MIER1: variants seen among roughly 807,000 people sequenced by gnomAD.
MIER1 encodes mesoderm induction early response protein 1.
A neutral mutation model predicts 75.7 loss-of-function variants in MIER1; 40 were observed. The ratio of observed to expected loss-of-function variants is 0.53; its 90% CI spans 0.41 to 0.69. The LOEUF is 0.69. Ranked by LOEUF, MIER1 falls within the 30% of genes least tolerant of loss-of-function variation. MIER1 has a pLI of 0.00. For missense variants in MIER1, 574 were observed against 680.2 expected, an observed-to-expected ratio of 0.84 and a Z score of 1.74; for synonymous variants, 213 against 223.4, an observed-to-expected ratio of 0.95 and a Z score of 0.42.
At chr1:66,949,549 C>G (rs1429394598) in intron 4 of MIER1, among the ~76,000 whole-genome samples, 1 of 152,194 alleles carries the variant, frequency 6.6e-6, no homozygotes, top group Non-Finnish European at 1.5e-5. Flanking sequence ...TCAGATTCTT[C>G]TCTGACTTCT....
chr1:66,937,968 G>A (rs1655308035), intron 2 of MIER1, among the ~76,000 whole-genome samples: 1 of 152,116 alleles, frequency 6.6e-6, no homozygotes, highest in South Asian at 2.1e-4. Flanking sequence ...TTCTCCACTT[G>A]TGCTAATCTA....
chr1:66,953,407 G>T (rs960004596), intron 4 of MIER1, among the ~76,000 whole-genome samples: 3 of 152,070 alleles, frequency 2.0e-5, no homozygotes, highest in Admixed American at 2.0e-4. Flanking sequence ...TTGTAGCCCG[G>T]AGTTTGCTGC....
intron 1 of MIER1, 31 bp downstream of exon 1, chr1:66,925,126 C>A: frequency 6.5e-7 from 1 of 1,540,892 alleles, no homozygotes; most frequent in Non-Finnish European, 8.7e-7. Context: ...CCATCTCTCC[C>A]CTTCTATTCC....
intron 8 of MIER1, among the ~76,000 whole-genome samples, chr1:66,966,305 G>A (rs983832760): frequency 2.0e-5 from 3 of 152,032 alleles, no homozygotes; most frequent in Non-Finnish European, 2.9e-5. Flanking sequence ...TTGTCCTTGC[G>A]ATAGTTTGCT....
At chr1:66,954,939 C>T (rs1659783608) in intron 4 of MIER1, among the ~76,000 whole-genome samples, 1 of 152,072 alleles carries the variant, frequency 6.6e-6, no homozygotes, top group Admixed American at 6.6e-5. Context: ...GAACTCCTGA[C>T]CTCAAGTGTT....
Position 66,976,823 on chromosome 1 carries a change from A to G in MIER1, c.1229+101A>G, listed in dbSNP as rs148285125. The G allele has an allele frequency of 1.7e-3, 1,731 of 1,037,524 alleles. 6 individuals are homozygous for G. The highest frequency in any genetic ancestry group is 1.4e-3 in the Non-Finnish European group (1,075 of 753,342). 64.3% of individuals were successfully genotyped at this position (1,037,524 alleles called of 1,614,324 possible). On this transcript the variant is annotated intron_variant, in intron 12 of 13. Transcript: ENST00000401041. ...TATTTTGATAATCTTGCTTTTATAT[A>G]CTTGATCTTAACCAGAAGGCCGAGA... is the stretch of plus-strand genomic sequence containing the variant.
intron 3 of MIER1, among the ~76,000 whole-genome samples, chr1:66,944,458 C>T (rs1230902467): frequency 6.6e-6 from 1 of 150,572 alleles, no homozygotes; most frequent in Non-Finnish European, 1.5e-5. Flanking sequence ...CAATGTAGTA[C>T]AATATTTTAC....
At chr1:66,962,334 T>G (rs569646916) in intron 7 of MIER1, among the ~76,000 whole-genome samples, 1 of 152,290 alleles carries the variant, frequency 6.6e-6, no homozygotes, top group Admixed American at 6.5e-5. Flanking sequence ...TCATTTAGAG[T>G]TTCTTTCATT....
At chr1:66,980,691 T>C (rs772273437) in intron 12 of MIER1, among the ~76,000 whole-genome samples, 3 of 152,122 alleles carry the variant, frequency 2.0e-5, no homozygotes, top group Non-Finnish European at 4.4e-5. Context: ...AATTAGAATT[T>C]TATTGAGTTT....
At chr1:66,950,091 GTAAA>G (rs1176441028) in intron 4 of MIER1, among the ~76,000 whole-genome samples, 2 of 152,176 alleles carry the variant, frequency 1.3e-5, no homozygotes, top group African/African-American at 4.8e-5. Flanking sequence ...CATTCTCATA[GTAAA>G]TAAATAGACT....
intron 2 of MIER1, chr1:66,930,435 C>T (rs753832848): frequency 4.6e-5 from 73 of 1,601,108 alleles, no homozygotes; most frequent in Non-Finnish European, 2.5e-5. Flanking sequence ...TGTCCCGGAG[C>T]CGGGCGCCCC....
In MIER1 at chr1:66,986,160, CTT is replaced by C. The variant is rs1443931751; in HGVS notation, c.*1263_*1264del. On this transcript the variant is annotated 3_prime_UTR_variant, in exon 14 of 14. Transcript: ENST00000401041. ...AAGTGAAGTTTGAAAACTTTTCAAA[CTT>C]TTCTAGTTACAATCCAATTTTTCAG... 8.4e-7 allele frequency: 1 copy of C among 1,191,892 alleles called. No individual in the cohort carries two copies. The allele number at this position is 1,191,892 out of a possible 1,614,324, so 73.8% of individuals were successfully genotyped here. A position where few individuals can be genotyped will look rare whatever the true frequency, so the allele number is the denominator to read the frequency against.
At chr1:66,946,622 A>C in intron 4 of MIER1, 1 of 1,008,224 alleles carries the variant, frequency 9.9e-7, no homozygotes, top group Non-Finnish European at 1.2e-6. Context: ...CCCAGTTACC[A>C]TATCTTTTAC....
chr1:66,950,671 A>G (rs1176969149), intron 4 of MIER1, among the ~76,000 whole-genome samples: 1 of 151,272 alleles, frequency 6.6e-6, no homozygotes, highest in African/African-American at 2.4e-5. Context: ...TGTGTGATTA[A>G]AATGTGAGAG....
At chr1:66,932,884 C>T (rs2101080552) in intron 2 of MIER1, 1 of 152,160 alleles carries the variant, frequency 6.6e-6, no homozygotes, top group African/African-American at 2.4e-5. Context: ...GAGCATGACC[C>T]TGACCATGTT....
At chr1:66,941,513 CTG>C (rs1040511162) in intron 3 of MIER1, among the ~76,000 whole-genome samples, 39 of 151,794 alleles carry the variant, frequency 2.6e-4, no homozygotes, top group African/African-American at 9.0e-4. Flanking sequence ...GCAAATAAAA[CTG>C]AGGAGATTTA....
In MIER1 at chr1:66,958,077, C is replaced by G; in HGVS notation, c.358C>G (p.His120Asp). The change falls in exon 5 of 14, where the codon CAT becomes GAT. Residue 120 changes from histidine to aspartate, a missense_variant. His to Asp is a moderately conservative substitution (Grantham distance 81, BLOSUM62 -1). Coordinates refer to ENST00000401041, the MANE Select transcript of MIER1 (RefSeq NM_001077700.3). Reference sequence around the variant, plus strand: ...TATTTAGGAAGGCGACATGCCAATTCATGAACTTCTCAGCCTTTATGGTTA... The same window carrying G: ...TATTTAGGAAGGCGACATGCCAATTGATGAACTTCTCAGCCTTTATGGTTA... ...DLAREGDMPIHELLSLYGYGS... is the reference protein window; with the variant it reads ...DLAREGDMPIDELLSLYGYGS... 6.3e-7 allele frequency: 1 copy of G among 1,587,892 alleles called. No homozygotes were observed. Among genetic ancestry groups the G allele is most frequent in the Non-Finnish European group, 8.6e-7 (1 of 1,166,440 alleles).
intron 2 of MIER1, among the ~76,000 whole-genome samples, chr1:66,932,475 A>G (rs1252451188): frequency 6.6e-6 from 1 of 152,190 alleles, no homozygotes; most frequent in African/African-American, 2.4e-5. Flanking sequence ...AAAATCTAAG[A>G]CAGGTGAAGA....
intron 10 of MIER1, among the ~76,000 whole-genome samples, chr1:66,972,303 G>T (rs1663867524): frequency 6.8e-6 from 1 of 147,502 alleles, no homozygotes; most frequent in Admixed American, 6.8e-5. Context: ...ACAAAAATTT[G>T]AGTGCCTTCT....
Sources: allele counts gnomAD v4.1 joint callset (sites outside exome capture counted in the v4.1 genomes callset), GRCh38; gene constraint gnomAD v4.1.1; transcripts MANE v1.5; gene names NCBI Gene and HGNC (gene_info 2026-07-23, HGNC 2026-07-21).